YEATS2: variants seen among roughly 807,000 people sequenced by gnomAD.
YEATS2 encodes the protein YEATS domain-containing protein 2.
A neutral mutation model predicts 163.2 loss-of-function variants in YEATS2; 77 were observed. The ratio of observed to expected loss-of-function variants is 0.47; its 90% confidence interval spans 0.39 to 0.57. The LOEUF (loss-of-function observed/expected upper bound fraction) is 0.57, where lower values mean the gene tolerates loss of function less well. Ranked by LOEUF, YEATS2 falls within the 20% of genes least tolerant of loss-of-function variation. The pLI, the probability that YEATS2 is intolerant of heterozygous loss-of-function variation, is 0.00. For missense variants in YEATS2, 1,549 were observed against 1,729.8 expected, an observed-to-expected ratio of 0.90 and a Z score of 1.85; for synonymous variants, 631 against 645.1, an observed-to-expected ratio of 0.98 and a Z score of 0.33.
intron 7 of YEATS2, among the ~76,000 whole-genome samples, chr3:183,735,164 A>G (rs1718206840): frequency 6.6e-6 from 1 of 152,318 alleles, no homozygotes; most frequent in East Asian, 1.9e-4. Flanking sequence ...CTAATTTATC[A>G]TAGTCATTGT....
chr3:183,788,144 C>CT (rs939391466), intron 20 of YEATS2, among the ~76,000 whole-genome samples: 11 of 152,042 alleles, frequency 7.2e-5, no homozygotes, highest in Non-Finnish European at 1.3e-4. Context: ...AAGCATTTAT[C>CT]TTTTTTTTAA....
chr3:183,764,047 G>A (rs75141197), intron 15 of YEATS2, among the ~76,000 whole-genome samples: 2 of 151,906 alleles, frequency 1.3e-5, no homozygotes, highest in East Asian at 3.9e-4. Context: ...CAGCCTGGGT[G>A]ACAGAGGGAG....
At chr3:183,743,755 C>T (rs1719219972) in intron 8 of YEATS2, among the ~76,000 whole-genome samples, 1 of 152,162 alleles carries the variant, frequency 6.6e-6, no homozygotes, top group South Asian at 2.1e-4. Context: ...AATCCTGATA[C>T]TGTACATCTC....
chr3:183,791,313 G>A (rs973692892), intron 21 of YEATS2, among the ~76,000 whole-genome samples: 12 of 152,184 alleles, frequency 7.9e-5, no homozygotes, highest in Admixed American at 5.2e-4. Context: ...GGGATTACAG[G>A]CGTGAGCCAC....
At position 183,806,982 on chromosome 3, in the gene YEATS2, G is replaced by A. The variant is rs752966159; in HGVS notation, c.3901G>A (p.Glu1301Lys). 4 of 1,614,126 alleles carry A rather than the reference G, an allele frequency of 2.5e-6. No homozygotes were observed. The highest frequency in any genetic ancestry group is 2.2e-5 in the South Asian group (2 of 91,068). Reference protein sequence around the residue: ...EEEVDILSLSEPVKINIKKEQ... With the variant: ...EEEVDILSLSKPVKINIKKEQ... ...GGAGGTGGACATCCTCAGCCTCTCC[G>A]AGCCAGTGAAGATAAACATCAAGAA... is the stretch of plus-strand genomic sequence containing the variant. Residue 1301 changes from glutamate to lysine, a missense_variant, in exon 28 of 31, where the codon GAG (glutamate) becomes AAG (lysine). Coordinates refer to ENST00000305135, the MANE Select transcript of YEATS2 (RefSeq NM_018023.5).
At chr3:183,787,498 T>C (rs1390763276) in intron 20 of YEATS2, among the ~76,000 whole-genome samples, 1 of 152,146 alleles carries the variant, frequency 6.6e-6, no homozygotes, top group Non-Finnish European at 1.5e-5. Context: ...TATTGGCTAT[T>C]TGTATATCTT....
intron 16 of YEATS2, among the ~76,000 whole-genome samples, chr3:183,772,779 C>CACACA (rs555324921): frequency 0.011 from 1,582 of 147,360 alleles, 12 homozygotes; most frequent in African/African-American, 0.024. Context: ...ACACACACAC[C>CACACA]CACATACACA....
At chr3:183,717,561 T>G in intron 2 of YEATS2, 90 bp from the exon 3 acceptor site, 2 of 968,772 alleles carry the variant, frequency 2.1e-6, no homozygotes, top group East Asian at 5.6e-5. Context: ...AGAGTTACTA[T>G]TTCTTGGATT....
In YEATS2 at chr3:183,807,050, A is replaced by G. The variant is rs1483049661; in HGVS notation, c.3969A>G (p.Pro1323=). The change falls in exon 28 of 31, where the codon CCA becomes CCG. Residue 1323 remains proline (P), a synonymous_variant. Transcript: ENST00000305135. ...AAGAGGAAGTCAAGTTCTACCTGCC[A>G]CCAACCCCAGGGTCTGAATTTATTG... ...EKQEEVKFYL[P]PTPGSEFIGD... 1.2e-6 allele frequency: 2 copies of G among 1,614,102 alleles called. No individual in the cohort carries two copies. Among genetic ancestry groups the G allele is most frequent in the Non-Finnish European group, 1.7e-6 (2 of 1,180,014 alleles).
chr3:183,709,675 ATTTTTT>A (rs774989436), intron 1 of YEATS2, among the ~76,000 whole-genome samples: 1 of 125,166 alleles, frequency 8.0e-6, no homozygotes, highest in African/African-American at 3.2e-5. Context: ...AATGAGATAA[ATTTTTT>A]TTTTTTTTTT....
At position 183,810,864 on chromosome 3, in the gene YEATS2, G is replaced by A. The variant is rs1467709578; in HGVS notation, c.*281G>A. 2.1e-5 allele frequency: 8 copies of A among 390,006 alleles called. No individual in the cohort carries two copies. Among genetic ancestry groups the A allele is most frequent in the East Asian group, 1.1e-4 (2 of 17,902 alleles). 24.2% of individuals were successfully genotyped at this position (390,006 alleles called of 1,614,324 possible). A position where few individuals can be genotyped will look rare whatever the true frequency, so the allele number is the denominator to read the frequency against. Reference sequence around the variant, plus strand: ...GTCTTTGTAAAGGCCCCACGAGAGCGGGCCAGGCCGTGTGCCTCAGGCCCT... The same window carrying A: ...GTCTTTGTAAAGGCCCCACGAGAGCAGGCCAGGCCGTGTGCCTCAGGCCCT... On this transcript the variant is annotated 3_prime_UTR_variant, in exon 31 of 31. Transcript: ENST00000305135.
intron 4 of YEATS2, among the ~76,000 whole-genome samples, chr3:183,720,913 T>G (rs1201345919): frequency 6.6e-6 from 1 of 152,182 alleles, no homozygotes; most frequent in East Asian, 1.9e-4. Context: ...ATGATGTGGC[T>G]GTTTTCCCTC....
chr3:183,725,906 A>G (rs191813153), intron 6 of YEATS2, among the ~76,000 whole-genome samples: 7 of 152,306 alleles, frequency 4.6e-5, no homozygotes, highest in East Asian at 3.9e-4. Context: ...TTCTTCTTCA[A>G]AATCTTACTT....
chr3:183,720,908 G>A (rs912766116), intron 4 of YEATS2, among the ~76,000 whole-genome samples: 6 of 152,088 alleles, frequency 3.9e-5, no homozygotes, highest in African/African-American at 1.4e-4. Context: ...TGTCAATGAT[G>A]TGGCTGTTTT....
At chr3:183,738,855 A>G (rs1324856310) in intron 8 of YEATS2, among the ~76,000 whole-genome samples, 11 of 137,678 alleles carry the variant, frequency 8.0e-5, no homozygotes, top group East Asian at 2.1e-4. Context: ...TAATGCCGCA[A>G]TAAACATACG....
In YEATS2 at chr3:183,803,975, T is replaced by G; in HGVS notation, c.3583-12T>G. On this transcript the variant is annotated splice_polypyrimidine_tract_variant and intron_variant, in intron 26 of 30. Transcript: ENST00000305135. Reference sequence around the variant, plus strand: ...TTTGATTATGGTTCCAAAAGAAAATTTTTTTTTTAAGTGGCAAAGAGCAAT... The same window carrying G: ...TTTGATTATGGTTCCAAAAGAAAATGTTTTTTTTAAGTGGCAAAGAGCAAT... 1 of 1,612,546 alleles carries G rather than the reference T, an allele frequency of 6.2e-7. No homozygotes were observed. The highest frequency in any genetic ancestry group is 8.5e-7 in the Non-Finnish European group (1 of 1,179,480).
At chr3:183,774,361 G>C (rs776379145) in intron 17 of YEATS2, among the ~76,000 whole-genome samples, 30 of 152,150 alleles carry the variant, frequency 2.0e-4, no homozygotes, top group Non-Finnish European at 3.4e-4. Flanking sequence ...TAGGTTGTGT[G>C]CTCCTTATGA....
chr3:183,758,805 A>G, intron 12 of YEATS2, 57 bp from the exon 13 acceptor site: 3 of 1,233,916 alleles, frequency 2.4e-6, no homozygotes, highest in Non-Finnish European at 3.5e-6. Flanking sequence ...AAATGCTTTA[A>G]AATTACCTTT....
chr3:183,791,315 G>T (rs375662237), intron 21 of YEATS2, among the ~76,000 whole-genome samples: 1 of 152,188 alleles, frequency 6.6e-6, no homozygotes, highest in Non-Finnish European at 1.5e-5. Context: ...GATTACAGGC[G>T]TGAGCCACTG....
Sources: gnomAD v4.1 joint callset for allele counts (sites outside exome capture counted in the v4.1 genomes callset) on GRCh38, gnomAD v4.1.1 for gene constraint, MANE v1.5 for transcripts, NCBI Gene and HGNC (gene_info 2026-07-23, HGNC 2026-07-21) for gene names.